The following CHD6 variants were observed in gnomAD, a reference collection of about 807,000 sequenced individuals.
CHD6 encodes the protein chromodomain helicase DNA binding protein 6.
CHD6 carries 50 observed loss-of-function variants against 276.9 expected under a neutral mutation model. The ratio of observed to expected loss-of-function variants is 0.18; its 90% CI spans 0.14 to 0.23. The LOEUF (loss-of-function observed/expected upper bound fraction) is 0.23, where lower values mean the gene tolerates loss of function less well. CHD6 is among the 10% of genes least tolerant of loss of function. The pLI is 1.00. For synonymous variants in CHD6, 1,173 were observed against 1,229.3 expected, an observed-to-expected ratio of 0.95 and a Z score of 0.96; for missense variants, 2,564 against 3,365.8, an observed-to-expected ratio of 0.76 and a Z score of 5.89.
intron 1 of CHD6, among the ~76,000 whole-genome samples, chr20:41,556,307 CGGGAGA>C (rs11280735): frequency 9.2e-6 from 1 of 108,904 alleles, no homozygotes; most frequent in East Asian, 3.4e-4. Flanking sequence ...CGTGGGGAGA[CGGGAGA>C]GGGAGAGGGC....
intron 25 of CHD6, among the ~76,000 whole-genome samples, chr20:41,441,848 C>T (rs1213248079): frequency 6.6e-6 from 1 of 152,186 alleles, no homozygotes; most frequent in Non-Finnish European, 1.5e-5. Context: ...GGCTGCCTGC[C>T]TCTTTTCACT....
At chr20:41,585,167 T>G (rs1326848607) in intron 1 of CHD6, among the ~76,000 whole-genome samples, 1 of 152,142 alleles carries the variant, frequency 6.6e-6, no homozygotes, top group African/African-American at 2.4e-5. Context: ...TTAGATAAGT[T>G]GAATAACTCC....
At chr20:41,519,583 C>G (rs1317082533) in intron 3 of CHD6, among the ~76,000 whole-genome samples, 1 of 152,048 alleles carries the variant, frequency 6.6e-6, no homozygotes, top group African/African-American at 2.4e-5. Flanking sequence ...GAAACAATTC[C>G]CTATTTAATA....
At chr20:41,491,051 T>C (rs555772266) in intron 11 of CHD6, among the ~76,000 whole-genome samples, 62 of 152,066 alleles carry the variant, frequency 4.1e-4, no homozygotes, top group African/African-American at 1.5e-3. Context: ...AGTGAGTGAG[T>C]GGTGGGTGAT....
At chr20:41,486,128 T>G (rs1470170959) in intron 14 of CHD6, 1 of 152,180 alleles carries the variant, frequency 6.6e-6, no homozygotes, top group Non-Finnish European at 1.5e-5. Context: ...GGAATTACTA[T>G]ATAAGAACCT....
chr20:41,596,025 C>T (rs936491440), intron 1 of CHD6, among the ~76,000 whole-genome samples: 3 of 152,150 alleles, frequency 2.0e-5, no homozygotes, highest in Non-Finnish European at 4.4e-5. Flanking sequence ...CCACATGGGA[C>T]CCTTTAGACA....
rs972461244 is a variant in CHD6 at position 41,535,326 on chromosome 20, A to C, written c.34-1756T>G. 2.0e-5 allele frequency among the ~76,000 whole-genome samples: 3 copies of C among 152,234 alleles called. No homozygotes were observed. In the East Asian group the frequency reaches 5.8e-4, roughly 29 times the overall value. On this transcript the variant is annotated intron_variant, in intron 2 of 36. Transcript: ENST00000373233. The stretch of plus-strand genomic sequence containing the variant: ...CTGCAAGGCATGTTTCATGACCTGT[A>C]ATCTTTATAACAATCCCACAGGGTC...
chr20:41,403,042 C>T lies in CHD6; in HGVS notation c.*1551G>A. The T allele has an allele frequency of 4.7e-6, 1 of 214,788 alleles. No individual in the cohort carries two copies. Among genetic ancestry groups the T allele is most frequent in the Non-Finnish European group, 9.3e-6 (1 of 107,056 alleles). The allele number at this position is 214,788 out of a possible 1,614,324, so 13.3% of individuals were successfully genotyped here. ...GACTTCTTTGAGATGCTCATTTTAA[C>T]ATTTACATAATTTATAATCCCAAAT... On this transcript the variant is annotated 3_prime_UTR_variant, in exon 37 of 37. Transcript: ENST00000373233.
intron 1 of CHD6, among the ~76,000 whole-genome samples, chr20:41,584,520 T>C (rs1263526526): frequency 6.6e-6 from 1 of 152,150 alleles, no homozygotes; most frequent in Middle Eastern, 3.2e-3. Flanking sequence ...AAGAGCAGAA[T>C]ATACATTCTT....
intron 19 of CHD6, 112 bp downstream of exon 19, chr20:41,455,688 C>A: frequency 1.4e-6 from 1 of 716,614 alleles, no homozygotes; most frequent in South Asian, 2.7e-5. Context: ...AATGTGCAGC[C>A]AATTTCTAGG....
chr20:41,504,946 C>T (rs372752369), intron 5 of CHD6, among the ~76,000 whole-genome samples: 8 of 152,182 alleles, frequency 5.3e-5, no homozygotes, highest in East Asian at 1.9e-4. Context: ...TTCCCATTTT[C>T]TCTTAGACAA....
intron 2 of CHD6, among the ~76,000 whole-genome samples, chr20:41,538,710 G>C (rs2044883181): frequency 6.6e-6 from 1 of 152,186 alleles, no homozygotes; most frequent in South Asian, 2.1e-4. Context: ...GCTGGCAAGA[G>C]TATCAACTAT....
intron 14 of CHD6, among the ~76,000 whole-genome samples, chr20:41,487,430 A>G (rs2043442693): frequency 6.6e-6 from 1 of 152,190 alleles, no homozygotes; most frequent in African/African-American, 2.4e-5. Flanking sequence ...AACATAAAAT[A>G]TTTTGGGCGC....
intron 1 of CHD6, among the ~76,000 whole-genome samples, chr20:41,575,016 T>C (rs577001126): frequency 6.6e-6 from 1 of 152,312 alleles, no homozygotes; most frequent in South Asian, 2.1e-4. Flanking sequence ...CTCTGATTGG[T>C]TGCTTTCCCC....
intron 2 of CHD6, among the ~76,000 whole-genome samples, chr20:41,541,599 G>A (rs1454901920): frequency 6.6e-6 from 1 of 152,194 alleles, no homozygotes; most frequent in Non-Finnish European, 1.5e-5. Context: ...AGAACCTACA[G>A]AGTGAGAAGA....
chr20:41,425,165 C>T lies in CHD6; in HGVS notation c.4346+13G>A. 6.2e-7 allele frequency: 1 copy of T among 1,612,266 alleles called. No individual in the cohort carries two copies. The highest frequency in any genetic ancestry group is 8.5e-7 in the Non-Finnish European group (1 of 1,178,286). ...GGGTGGCTGAGCATGCCCCTTTGGC[C>T]ACTGGCTTTTACCTCTTTTGGGCTT... On this transcript the variant is annotated intron_variant, in intron 29 of 36. Transcript: ENST00000373233.
chr20:41,484,937 T>C (rs2043376809), intron 14 of CHD6, among the ~76,000 whole-genome samples: 1 of 152,158 alleles, frequency 6.6e-6, no homozygotes, highest in Admixed American at 6.5e-5. Context: ...ACACACCACA[T>C]GCACAGTAAT....
chr20:41,526,467 T>G (rs979818989), intron 3 of CHD6, among the ~76,000 whole-genome samples: 1 of 152,218 alleles, frequency 6.6e-6, no homozygotes, highest in Admixed American at 6.5e-5. Flanking sequence ...CCAGCTCTTG[T>G]GAGGAGGAAA....
intron 34 of CHD6, 184 bp downstream of exon 34, chr20:41,415,000 CCA>C (rs1390290785): frequency 1.3e-5 from 18 of 1,429,314 alleles, no homozygotes; most frequent in Non-Finnish European, 1.6e-5. Flanking sequence ...AGATTAAGCG[CCA>C]TTAATGAGTT....
Sources: gnomAD v4.1 joint callset for allele counts (sites outside exome capture counted in the v4.1 genomes callset) on GRCh38, gnomAD v4.1.1 for gene constraint, MANE v1.5 for transcripts, NCBI Gene and HGNC (gene_info 2026-07-23, HGNC 2026-07-21) for gene names.